The following CDH12 variants were observed in gnomAD, a reference collection of about 807,000 sequenced individuals.
The protein encoded by CDH12 is cadherin-12.
CDH12 carries 41 observed loss-of-function variants against 74.1 expected under a neutral mutation model. That is an observed-to-expected ratio of 0.55 (90% CI 0.43 to 0.72). The LOEUF is 0.72. Among genes scored for constraint, CDH12 ranks in the 30% least tolerant of loss-of-function variants. The pLI is 0.00. For synonymous variants in CDH12, 399 were observed against 355.0 expected (o/e 1.12, Z -1.39); for missense variants, 945 against 977.2 (o/e 0.97, Z 0.44).
intron 6 of CDH12, chr5:21,889,716 T>C: frequency 1.0e-6 from 1 of 985,188 alleles, no homozygotes; most frequent in Admixed American, 6.2e-5. Context: ...TCTAGACATC[T>C]CAAAACAATA....
chr5:21,836,088 G>A (rs1236585506), intron 8 of CDH12, among the ~76,000 whole-genome samples: 1 of 151,508 alleles, frequency 6.6e-6, no homozygotes. Flanking sequence ...TAAACATTCT[G>A]GCTGATGCTT....
chr5:21,817,577 A>G (rs1216059794), intron 8 of CDH12, among the ~76,000 whole-genome samples: 2 of 152,042 alleles, frequency 1.3e-5, no homozygotes, highest in Non-Finnish European at 2.9e-5. Flanking sequence ...ATAGATATAG[A>G]AAGTTGAGGT....
At chr5:21,798,238 T>C (rs1328514417) in intron 10 of CDH12, among the ~76,000 whole-genome samples, 3 of 125,762 alleles carry the variant, frequency 2.4e-5, no homozygotes, top group African/African-American at 8.7e-5. Context: ...AATATTTGAA[T>C]GTATATGTGG....
intron 8 of CDH12, among the ~76,000 whole-genome samples, chr5:21,829,037 T>G (rs1039460151): frequency 6.6e-5 from 10 of 152,094 alleles, no homozygotes; most frequent in Admixed American, 2.0e-4. Flanking sequence ...GGCTCATGCC[T>G]GTAATCCCAG....
intron 1 of CDH12, among the ~76,000 whole-genome samples, chr5:22,526,534 G>T (rs1401629348): frequency 1.3e-5 from 2 of 152,166 alleles, no homozygotes; most frequent in African/African-American, 2.4e-5. Context: ...TGCATGTCAG[G>T]TATTAGAGAA....
At chr5:22,083,826 C>G (rs1338881024) in intron 4 of CDH12, among the ~76,000 whole-genome samples, 2 of 152,142 alleles carry the variant, frequency 1.3e-5, no homozygotes, top group African/African-American at 4.8e-5. Context: ...TCAGGGGTTT[C>G]CAATCCTAGT....
chr5:22,169,405 A>G (rs942670206), intron 4 of CDH12, among the ~76,000 whole-genome samples: 5 of 152,010 alleles, frequency 3.3e-5, no homozygotes, highest in African/African-American at 1.2e-4. Flanking sequence ...CGTATCCATA[A>G]CAGTGACAGC....
At chr5:22,287,708 G>T in intron 3 of CDH12, among the ~76,000 whole-genome samples, 1 of 110,928 alleles carries the variant, frequency 9.0e-6, no homozygotes, top group Non-Finnish European at 1.7e-5. Context: ...GGGCTAAAAA[G>T]CGGGACTCCG....
At chr5:22,663,902 T>A (rs1263528502) in intron 1 of CDH12, among the ~76,000 whole-genome samples, 1 of 152,148 alleles carries the variant, frequency 6.6e-6, no homozygotes, top group Non-Finnish European at 1.5e-5. Flanking sequence ...TAACCACTTT[T>A]TTTTTAACTA....
At chr5:21,932,910 T>C (rs912099909) in intron 6 of CDH12, among the ~76,000 whole-genome samples, 1 of 150,814 alleles carries the variant, frequency 6.6e-6, no homozygotes, top group Non-Finnish European at 1.5e-5. Flanking sequence ...TTTTGCTGTT[T>C]CTTTTCTAAT....
intron 1 of CDH12, among the ~76,000 whole-genome samples, chr5:22,850,488 C>A (rs1230948909): frequency 6.6e-6 from 1 of 151,786 alleles, no homozygotes; most frequent in Non-Finnish European, 1.5e-5. Context: ...ACTATTTAAG[C>A]CTATTCATAA....
intron 3 of CDH12, among the ~76,000 whole-genome samples, chr5:22,235,512 T>A (rs1265701537): frequency 3.3e-5 from 5 of 151,322 alleles, no homozygotes; most frequent in Non-Finnish European, 5.9e-5. Context: ...ACTTGGGAGA[T>A]GGAAGTTGTA....
At chr5:21,894,702 T>C (rs1335302121) in intron 6 of CDH12, among the ~76,000 whole-genome samples, 1 of 152,084 alleles carries the variant, frequency 6.6e-6, no homozygotes, top group Non-Finnish European at 1.5e-5. Context: ...TTAGTTGCAT[T>C]CTAGGACTCC....
chr5:22,208,491 C>A (rs1258267391), intron 4 of CDH12, among the ~76,000 whole-genome samples: 3 of 152,222 alleles, frequency 2.0e-5, no homozygotes, highest in African/African-American at 7.2e-5. Context: ...CTCATTACTG[C>A]AGCTTATTCA....
At chr5:22,360,240 A>T (rs1033303777) in intron 3 of CDH12, among the ~76,000 whole-genome samples, 1 of 152,310 alleles carries the variant, frequency 6.6e-6, no homozygotes, top group African/African-American at 2.4e-5. Context: ...AAAAAATGAT[A>T]AAGGGGATAT....
chr5:22,647,504 C>T (rs1386498990), intron 1 of CDH12, among the ~76,000 whole-genome samples: 2 of 151,672 alleles, frequency 1.3e-5, no homozygotes, highest in Non-Finnish European at 3.0e-5. Flanking sequence ...TCTGTTTCTG[C>T]TGAGGGCTCT....
Position 22,060,070 on chromosome 5 carries a change from G to T in CDH12, c.231+18376C>A, listed in dbSNP as rs553658775. Among the ~76,000 whole-genome samples, 639 of 152,220 alleles carry T rather than the reference G, an allele frequency of 4.2e-3. 1 individual carries two copies. The highest frequency in any genetic ancestry group is 7.0e-3 in the Non-Finnish European group (478 of 68,008). On this transcript the variant is annotated intron_variant, in intron 5 of 14. Transcript: ENST00000382254. The stretch of plus-strand genomic sequence containing the variant: ...TTATTCATATAATTAGTGTCAACAA[G>T]ATTCAGAATGAAAAAGGATGTGAGC...
chr5:21,800,536 G>C (rs1174645407), intron 10 of CDH12, among the ~76,000 whole-genome samples: 1 of 152,126 alleles, frequency 6.6e-6, no homozygotes, highest in African/African-American at 2.4e-5. Context: ...TCCAGTGTCT[G>C]GAAACAAGGA....
intron 4 of CDH12, among the ~76,000 whole-genome samples, chr5:22,087,906 T>G (rs1743173471): frequency 6.6e-6 from 1 of 152,206 alleles, no homozygotes; most frequent in African/African-American, 2.4e-5. Context: ...GATGGTGAGC[T>G]GCTCAGAAAA....
Sources: allele counts gnomAD v4.1 joint callset (sites outside exome capture counted in the v4.1 genomes callset), GRCh38; gene constraint gnomAD v4.1.1; transcripts MANE v1.5; gene names NCBI Gene and HGNC (gene_info 2026-07-23, HGNC 2026-07-21).